The following FBXO34 variants were observed in gnomAD, a reference collection of about 807,000 sequenced individuals.
FBXO34 encodes F-box only protein 34.
In FBXO34, 12 loss-of-function variants were observed where a neutral mutation model predicts 24.5. That is an observed-to-expected ratio of 0.49 (90% CI 0.31 to 0.79). The LOEUF is 0.79. Among genes scored for constraint, FBXO34 ranks in the 30% least tolerant of loss-of-function variants. The pLI is 0.04. For synonymous variants in FBXO34, 320 were observed against 311.9 expected, an observed-to-expected ratio of 1.03 and a Z score of -0.27; for missense variants, 823 against 857.7, an observed-to-expected ratio of 0.96 and a Z score of 0.51.
At chr14:55,309,102 T>C (rs1201487596) in intron 1 of FBXO34, among the ~76,000 whole-genome samples, 1 of 151,986 alleles carries the variant, frequency 6.6e-6, no homozygotes, top group African/African-American at 2.4e-5. Context: ...TTTGAAACTA[T>C]TTTAACTGTA....
At chr14:55,426,974 G>T in the FBXO34 span, among the ~76,000 whole-genome samples, 1 of 152,322 alleles carries the variant, frequency 6.6e-6, no homozygotes, top group South Asian at 2.1e-4. Context: ...TGAATGGCCA[G>T]AAGGGAATGC....
intron 1 of FBXO34, among the ~76,000 whole-genome samples, chr14:55,303,855 GT>G (rs1440415593): frequency 6.6e-6 from 1 of 152,136 alleles, no homozygotes; most frequent in Non-Finnish European, 1.5e-5. Flanking sequence ...AAATGAGAGT[GT>G]CCAGATGCAA....
At chr14:55,402,392 A>G in the FBXO34 span, among the ~76,000 whole-genome samples, 1 of 152,164 alleles carries the variant, frequency 6.6e-6, no homozygotes, top group African/African-American at 2.4e-5. Context: ...AAAATATTCG[A>G]CCTTTTGATT....
intron 1 of FBXO34, among the ~76,000 whole-genome samples, chr14:55,297,056 T>G (rs1387846534): frequency 1.3e-5 from 2 of 152,154 alleles, no homozygotes; most frequent in African/African-American, 4.8e-5. Context: ...AAATGTACTT[T>G]CCCCTTGACC....
intron 1 of FBXO34, among the ~76,000 whole-genome samples, chr14:55,297,808 CA>C (rs957887612): frequency 6.6e-6 from 1 of 151,888 alleles, no homozygotes; most frequent in Non-Finnish European, 1.5e-5. Context: ...GGAGCACAGC[CA>C]AAAAACCGGG....
the FBXO34 span, among the ~76,000 whole-genome samples, chr14:55,402,926 A>AAT: frequency 0.031 from 509 of 16,324 alleles, 16 homozygotes; most frequent in Middle Eastern, 0.045. Context: ...AAAAAAAAAA[A>AAT]ATATATATAT....
chr14:55,383,585 C>CA, the FBXO34 span, among the ~76,000 whole-genome samples: 16 of 148,370 alleles, frequency 1.1e-4, no homozygotes, highest in Admixed American at 3.3e-4. Context: ...ACAACAACAA[C>CA]AACAAAAAAA....
At chr14:55,386,151 T>C in the FBXO34 span, 4 of 1,431,008 alleles carry the variant, frequency 2.8e-6, no homozygotes, top group Non-Finnish European at 3.8e-6. Flanking sequence ...TCCTGTGTAC[T>C]GCAGAGCTCC....
chr14:55,386,142 C>G, the FBXO34 span: 1 of 1,506,880 alleles, frequency 6.6e-7, no homozygotes, highest in South Asian at 1.2e-5. Context: ...GCAAACAGTT[C>G]CTGTGTACTG....
the FBXO34 span, chr14:55,433,591 T>C: frequency 2.2e-5 from 34 of 1,566,924 alleles, no homozygotes; most frequent in Non-Finnish European, 2.9e-5. Context: ...ACATACTAAA[T>C]TGTTTCTCTG....
At chr14:55,393,112 T>C in the FBXO34 span, among the ~76,000 whole-genome samples, 1 of 152,210 alleles carries the variant, frequency 6.6e-6, no homozygotes, top group African/African-American at 2.4e-5. Flanking sequence ...CTGGGCGCGG[T>C]GGCTCACGCC....
intron 1 of FBXO34, among the ~76,000 whole-genome samples, chr14:55,275,445 A>G (rs1024330566): frequency 6.6e-6 from 1 of 152,168 alleles, no homozygotes; most frequent in Non-Finnish European, 1.5e-5. Context: ...CCTTGCTGCA[A>G]GGACCCTTAA....
intron 1 of FBXO34, among the ~76,000 whole-genome samples, chr14:55,299,645 A>G (rs74050968): frequency 0.14 from 21,593 of 152,172 alleles, 4,362 homozygotes; most frequent in African/African-American, 0.45. Flanking sequence ...TCTGAGTCTT[A>G]GTATCCTCAG....
chr14:55,432,146 G>A, the FBXO34 span, among the ~76,000 whole-genome samples: 18 of 151,436 alleles, frequency 1.2e-4, 1 homozygote, highest in South Asian at 3.5e-3. Flanking sequence ...AGTAGCTCAC[G>A]CCTGTAATCC....
chr14:55,278,323 G>A (rs1881413222), intron 1 of FBXO34, among the ~76,000 whole-genome samples: 1 of 152,124 alleles, frequency 6.6e-6, no homozygotes, highest in African/African-American at 2.4e-5. Flanking sequence ...TCCTTTTTCA[G>A]TCCAAAGGGA....
At chr14:55,303,448 TA>T (rs1267561104) in intron 1 of FBXO34, among the ~76,000 whole-genome samples, 1 of 152,192 alleles carries the variant, frequency 6.6e-6, no homozygotes, top group Non-Finnish European at 1.5e-5. Context: ...TATTTTGCTT[TA>T]AAAATTTTGG....
chr14:55,426,194 G>C, the FBXO34 span, among the ~76,000 whole-genome samples: 2 of 151,860 alleles, frequency 1.3e-5, no homozygotes, highest in Non-Finnish European at 2.9e-5. Flanking sequence ...TTGAACCCTG[G>C]GGGGTGGAGG....
intron 1 of FBXO34, among the ~76,000 whole-genome samples, chr14:55,343,173 T>C (rs1884046009): frequency 6.6e-6 from 1 of 152,156 alleles, no homozygotes; most frequent in Admixed American, 6.5e-5. Context: ...CTGTATACTT[T>C]TTTCCTCTCT....
chr14:55,401,623 T>C, the FBXO34 span, among the ~76,000 whole-genome samples: 1 of 152,230 alleles, frequency 6.6e-6, no homozygotes, highest in Non-Finnish European at 1.5e-5. Flanking sequence ...GTTTCATAAA[T>C]TCTTCCATAC....
Sources: gnomAD v4.1 joint callset for allele counts (sites outside exome capture counted in the v4.1 genomes callset) on GRCh38, gnomAD v4.1.1 for gene constraint, MANE v1.5 for transcripts, NCBI Gene and HGNC (gene_info 2026-07-23, HGNC 2026-07-21) for gene names.